FGF14: variants seen among roughly 807,000 people sequenced by gnomAD.
FGF14 encodes fibroblast growth factor homologous factor 4.
In FGF14, 5 loss-of-function variants were observed where a neutral mutation model predicts 25.5. That is an observed-to-expected ratio of 0.20 (90% confidence interval 0.10 to 0.41). The LOEUF (loss-of-function observed/expected upper bound fraction) is 0.41, where lower values mean the gene tolerates loss of function less well. Ranked by LOEUF, FGF14 falls within the 10% of genes least tolerant of loss-of-function variation. FGF14 has a pLI of 1.00. For missense variants in FGF14, 222 were observed against 320.1 expected, an observed-to-expected ratio of 0.69 and a Z score of 2.34; for synonymous variants, 138 against 118.3, an observed-to-expected ratio of 1.17 and a Z score of -1.08.
At chr13:102,076,040 T>C (rs1399639528) in intron 1 of FGF14, among the ~76,000 whole-genome samples, 1 of 152,170 alleles carries the variant, frequency 6.6e-6, no homozygotes. Flanking sequence ...AAAAATTTTA[T>C]GAAGTAAAAA....
intron 1 of FGF14, among the ~76,000 whole-genome samples, chr13:102,094,838 C>T (rs2044318789): frequency 6.6e-6 from 1 of 152,096 alleles, no homozygotes; most frequent in African/African-American, 2.4e-5. Context: ...CCGGACAATG[C>T]TCCGGCCACC....
chr13:102,036,067 G>A (rs2041457689), intron 1 of FGF14, among the ~76,000 whole-genome samples: 1 of 152,060 alleles, frequency 6.6e-6, no homozygotes, highest in Non-Finnish European at 1.5e-5. Flanking sequence ...TGTGGGAGTG[G>A]GGAAATAGAG....
intron 1 of FGF14, among the ~76,000 whole-genome samples, chr13:102,187,941 T>C (rs1466249762): frequency 6.6e-6 from 1 of 152,206 alleles, no homozygotes; most frequent in South Asian, 2.1e-4. Flanking sequence ...TATATAGTTA[T>C]GGTCTGCATA....
intron 1 of FGF14, among the ~76,000 whole-genome samples, chr13:102,161,656 A>AGGAGG: frequency 3.8e-5 from 1 of 26,224 alleles, no homozygotes; most frequent in Non-Finnish European, 7.8e-5. Context: ...GAAGAAGAAG[A>AGGAGG]AGAAGAAGAA....
At chr13:101,728,137 G>A (rs2035565882) in intron 3 of FGF14, among the ~76,000 whole-genome samples, 1 of 152,076 alleles carries the variant, frequency 6.6e-6, no homozygotes, top group Non-Finnish European at 1.5e-5. Flanking sequence ...ATCAAATGCT[G>A]TCTCATGCAG....
intron 1 of FGF14, among the ~76,000 whole-genome samples, chr13:102,047,217 T>C (rs147608911): frequency 6.6e-6 from 1 of 152,218 alleles, no homozygotes; most frequent in Non-Finnish European, 1.5e-5. Flanking sequence ...TCCAAAAAGG[T>C]CATTTTTGCT....
chr13:102,293,233 T>C (rs1300264872), intron 1 of FGF14: 1 of 152,224 alleles, frequency 6.6e-6, no homozygotes, highest in African/African-American at 2.4e-5. Context: ...TGCCATGCCA[T>C]CCCTGGCATC....
intron 3 of FGF14, chr13:101,802,579 T>C (rs1255144955): frequency 1.3e-5 from 2 of 152,956 alleles, no homozygotes; most frequent in African/African-American, 2.4e-5. Context: ...AATCATATTG[T>C]AGTTTTTCAA....
At chr13:101,909,171 A>T (rs1265002650) in intron 1 of FGF14, among the ~76,000 whole-genome samples, 1 of 152,240 alleles carries the variant, frequency 6.6e-6, no homozygotes, top group Non-Finnish European at 1.5e-5. Flanking sequence ...CATTCAGGAC[A>T]TAGGCATGTG....
At chr13:101,879,957 A>T (rs2045608639) in intron 1 of FGF14, among the ~76,000 whole-genome samples, 1 of 152,204 alleles carries the variant, frequency 6.6e-6, no homozygotes, top group Non-Finnish European at 1.5e-5. Context: ...GGACTGAGAA[A>T]ATAAAGGTGG....
chr13:102,358,322 T>G (rs1035105076), intron 1 of FGF14, among the ~76,000 whole-genome samples: 1 of 152,206 alleles, frequency 6.6e-6, no homozygotes, highest in African/African-American at 2.4e-5. Context: ...TAATTAGTGT[T>G]TGTACTTAGT....
chr13:101,889,605 A>G, intron 1 of FGF14, among the ~76,000 whole-genome samples: 1 of 152,198 alleles, frequency 6.6e-6, no homozygotes, highest in Admixed American at 6.5e-5. Context: ...ACTGCAAACC[A>G]CTCATCAAGC....
intron 1 of FGF14, among the ~76,000 whole-genome samples, chr13:102,155,056 T>C (rs1304310795): frequency 2.0e-5 from 3 of 152,084 alleles, no homozygotes; most frequent in Non-Finnish European, 4.4e-5. Flanking sequence ...TCCCACACAA[T>C]AATAATGGGA....
At chr13:102,147,998 C>G (rs2046923431) in intron 1 of FGF14, among the ~76,000 whole-genome samples, 1 of 152,106 alleles carries the variant, frequency 6.6e-6, no homozygotes, top group South Asian at 2.1e-4. Flanking sequence ...ATTTCCCATA[C>G]CTGGAAGGTA....
At chr13:102,169,642 C>T (rs1466471569) in intron 1 of FGF14, among the ~76,000 whole-genome samples, 1 of 152,156 alleles carries the variant, frequency 6.6e-6, no homozygotes, top group African/African-American at 2.4e-5. Context: ...AAGATGCGCA[C>T]ATGTTAAAGA....
chr13:102,229,760 C>A (rs2050994075), intron 1 of FGF14, among the ~76,000 whole-genome samples: 1 of 152,106 alleles, frequency 6.6e-6, no homozygotes, highest in Non-Finnish European at 1.5e-5. Flanking sequence ...TTACCAATGG[C>A]TATAATTGGA....
At chr13:102,183,172 A>G (rs1299635430) in intron 1 of FGF14, among the ~76,000 whole-genome samples, 10 of 152,218 alleles carry the variant, frequency 6.6e-5, no homozygotes. Context: ...AATAAAAAAT[A>G]GAAAAATAAA....
At position 102,400,154 on chromosome 13, in the gene FGF14, G is replaced by T. The variant is rs2139290048; in HGVS notation, c.208+1317C>A. Among the ~76,000 whole-genome samples the T allele has an allele frequency of 6.6e-6, 1 of 152,228 alleles. No homozygotes were observed. Among genetic ancestry groups the T allele is most frequent in the East Asian group, 1.9e-4 (1 of 5,156 alleles). ...CTACGTTGCATTGGCAAGGTTCGGA[G>T]GCTGGAGGGCAGCAGCCACTTGCTG... On this transcript the variant is annotated intron_variant, in intron 1 of 4. Coordinates refer to the FGF14 transcript ENST00000376131. The surrounding 1 kb of genome is among the most constrained non-coding windows in gnomAD (Gnocchi z 4.3).
intron 1 of FGF14, among the ~76,000 whole-genome samples, chr13:102,072,639 T>C (rs545762671): frequency 3.2e-4 from 49 of 152,318 alleles, no homozygotes; most frequent in African/African-American, 1.2e-3. Context: ...CTCATTAATC[T>C]TCCCACAGCC....
Sources: allele counts gnomAD v4.1 joint callset (sites outside exome capture counted in the v4.1 genomes callset), GRCh38; gene constraint gnomAD v4.1.1; non-coding constraint Gnocchi (gnomAD v3.1); transcripts MANE v1.5; gene names NCBI Gene and HGNC (gene_info 2026-07-23, HGNC 2026-07-21).